Variants in AGBL1 observed in about 807,000 individuals in gnomAD.
The protein encoded by AGBL1 is AGBL carboxypeptidase 1, also known as cytosolic carboxypeptidase 4.
In AGBL1, 130 loss-of-function variants were observed where a neutral mutation model predicts 118.9. The ratio of observed to expected loss-of-function variants is 1.09; its 90% CI spans 0.95 to 1.26. The LOEUF is 1.26. Ranked by LOEUF, AGBL1 falls within the 50% of genes most tolerant of loss-of-function variation. The pLI, the probability that AGBL1 is intolerant of heterozygous loss-of-function variation, is 0.00. For missense variants in AGBL1, 1,584 were observed against 1,298.1 expected (o/e 1.22, Z -3.38); for synonymous variants, 555 against 478.9 (o/e 1.16, Z -2.08).
chr15:86,755,126 C>T (rs1348760129), intron 22 of AGBL1, among the ~76,000 whole-genome samples: 1 of 152,064 alleles, frequency 6.6e-6, no homozygotes, highest in Non-Finnish European at 1.5e-5. Context: ...TTTCATACTA[C>T]TTTCATACTT....
At chr15:86,327,666 C>T (rs1426747525) in intron 17 of AGBL1, among the ~76,000 whole-genome samples, 2 of 152,152 alleles carry the variant, frequency 1.3e-5, no homozygotes, top group African/African-American at 4.8e-5. Flanking sequence ...GAGCATATGG[C>T]ATTTTGAGGT....
intron 22 of AGBL1, among the ~76,000 whole-genome samples, chr15:86,711,760 C>T (rs770749822): frequency 1.3e-5 from 2 of 152,130 alleles, no homozygotes; most frequent in Non-Finnish European, 2.9e-5. Context: ...TTTGCTGCTA[C>T]AGTGGCAGAG....
chr15:86,571,053 G>A (rs939203810), intron 21 of AGBL1, among the ~76,000 whole-genome samples: 7 of 152,136 alleles, frequency 4.6e-5, no homozygotes, highest in Non-Finnish European at 8.8e-5. Context: ...GCATGGACAC[G>A]GGCTCTTGGC....
At chr15:86,333,590 A>G (rs2080311210) in intron 17 of AGBL1, among the ~76,000 whole-genome samples, 1 of 152,224 alleles carries the variant, frequency 6.6e-6, no homozygotes, top group African/African-American at 2.4e-5. Flanking sequence ...TCACAGCAGA[A>G]TTCTACTAGA....
At position 86,185,461 on chromosome 15, in the gene AGBL1, G is replaced by A. The variant is rs1267302032; in HGVS notation, c.488+26435G>A. On this transcript the variant is annotated intron_variant, in intron 5 of 22. Coordinates refer to ENST00000614907, the MANE Select transcript of AGBL1 (RefSeq NM_001386094.1). ...GCTATAAAGACACATGCACACGTAT[G>A]TTTATTGCGGCACTATTCACAATAG... Among the ~76,000 whole-genome samples, 3 of 152,156 alleles carry A rather than the reference G, an allele frequency of 2.0e-5. No individual in the cohort carries two copies. The East Asian group carries it at 5.8e-4, about 29-fold the overall frequency.
intron 16 of AGBL1, among the ~76,000 whole-genome samples, chr15:86,282,317 G>C (rs2079368085): frequency 6.6e-6 from 1 of 152,066 alleles, no homozygotes; most frequent in Non-Finnish European, 1.5e-5. Flanking sequence ...ATGCTTATTG[G>C]CTTGTTACTG....
At chr15:86,084,395 C>T (rs139260892) in intron 1 of AGBL1, among the ~76,000 whole-genome samples, 1,812 of 152,252 alleles carry the variant, frequency 0.012, 25 homozygotes, top group South Asian at 0.032. Flanking sequence ...ACTTAACTTT[C>T]CTCTCTCTGC....
At chr15:87,011,057 T>TCATTCCC (rs2141780705) in intron 24 of AGBL1, among the ~76,000 whole-genome samples, 1 of 152,352 alleles carries the variant, frequency 6.6e-6, no homozygotes, top group South Asian at 2.1e-4. Context: ...TGAACTTCTC[T>TCATTCCC]CATATATGAG....
chr15:87,024,526 C>A (rs1282615798), intron 24 of AGBL1, among the ~76,000 whole-genome samples: 1 of 151,740 alleles, frequency 6.6e-6, no homozygotes, highest in Non-Finnish European at 1.5e-5. Flanking sequence ...AGACAGATTC[C>A]CAGACGTATT....
chr15:86,262,992 C>T (rs1352222890), intron 10 of AGBL1, 98 bp downstream of exon 10: 4 of 843,372 alleles, frequency 4.7e-6, no homozygotes, highest in Non-Finnish European at 7.8e-6. Context: ...GAAAGCATTG[C>T]TCATCATTAG....
intron 22 of AGBL1, among the ~76,000 whole-genome samples, chr15:86,765,280 G>C (rs1160165338): frequency 6.6e-6 from 1 of 151,846 alleles, no homozygotes; most frequent in Non-Finnish European, 1.5e-5. Flanking sequence ...AATAATCATT[G>C]TGCTCCTAAT....
In AGBL1 at chr15:86,715,935, G is replaced by A. The variant is rs182627043; in HGVS notation, c.3158+41499G>A. Among the ~76,000 whole-genome samples, 957 of 151,690 alleles carry A rather than the reference G, an allele frequency of 6.3e-3. 5 individuals carry two copies. Among genetic ancestry groups the A allele is most frequent in the Non-Finnish European group, 0.012 (788 of 67,888 alleles). Reference sequence around the variant, plus strand: ...TTAGTCAGGCGTGGTGGTGGGTGCCGAGTAGTCCCAGCTACTTGGGAGGCT... The same window carrying A: ...TTAGTCAGGCGTGGTGGTGGGTGCCAAGTAGTCCCAGCTACTTGGGAGGCT... On this transcript the variant is annotated intron_variant, in intron 22 of 22. Transcript: ENST00000614907.
At chr15:86,998,869 A>ATT (rs980499009) in intron 24 of AGBL1, among the ~76,000 whole-genome samples, 2 of 151,034 alleles carry the variant, frequency 1.3e-5, no homozygotes, top group Non-Finnish European at 3.0e-5. Context: ...ATATATATAT[A>ATT]TTTTTTATTA....
At chr15:86,791,277 A>C (rs2078489599) in intron 22 of AGBL1, among the ~76,000 whole-genome samples, 1 of 152,200 alleles carries the variant, frequency 6.6e-6, no homozygotes. Flanking sequence ...TACCAAATGT[A>C]GATAGTATTA....
At chr15:87,015,032 C>T (rs948078506) in intron 24 of AGBL1, among the ~76,000 whole-genome samples, 1 of 152,006 alleles carries the variant, frequency 6.6e-6, no homozygotes, top group African/African-American at 2.4e-5. Flanking sequence ...CAGCTTGGGG[C>T]CCTGATGGAA....
chr15:86,368,104 G>A (rs1044166829), intron 17 of AGBL1, among the ~76,000 whole-genome samples: 2 of 151,984 alleles, frequency 1.3e-5, no homozygotes, highest in Non-Finnish European at 2.9e-5. Context: ...TGTTTTTTCA[G>A]AATCAATGGA....
chr15:86,899,106 C>A (rs186583325), intron 22 of AGBL1, among the ~76,000 whole-genome samples: 2 of 151,964 alleles, frequency 1.3e-5, no homozygotes, highest in Non-Finnish European at 2.9e-5. Flanking sequence ...TATTGCAGCA[C>A]GATACACAAT....
chr15:86,323,621 C>G (rs2080139109), intron 17 of AGBL1, among the ~76,000 whole-genome samples: 1 of 152,170 alleles, frequency 6.6e-6, no homozygotes, highest in African/African-American at 2.4e-5. Context: ...CCTGCTTGCC[C>G]TTTGGTGCTA....
chr15:86,584,284 C>T (rs878945695), intron 21 of AGBL1, among the ~76,000 whole-genome samples: 2 of 151,988 alleles, frequency 1.3e-5, no homozygotes, highest in African/African-American at 4.8e-5. Flanking sequence ...AATGATGTTT[C>T]CTAGATTATA....
Sources: gnomAD v4.1 joint callset for allele counts (sites outside exome capture counted in the v4.1 genomes callset) on GRCh38, gnomAD v4.1.1 for gene constraint, MANE v1.5 for transcripts, NCBI Gene and HGNC (gene_info 2026-07-23, HGNC 2026-07-21) for gene names.